The following CELF4 variants were observed in gnomAD, a reference collection of about 807,000 sequenced individuals.
CELF4 encodes the protein CUGBP Elav-like family member 4, also known as CUG-BP- and ETR-3-like factor 4.
CELF4 carries 18 observed loss-of-function variants against 59.9 expected under a neutral mutation model. The ratio of observed to expected loss-of-function variants is 0.30; its 90% CI spans 0.21 to 0.45. The LOEUF (loss-of-function observed/expected upper bound fraction) is 0.45. CELF4 is among the 20% of genes least tolerant of loss of function. The pLI is 1.00. For missense variants in CELF4, 456 were observed against 689.0 expected (o/e 0.66, Z 3.79); for synonymous variants, 261 against 267.1 (o/e 0.98, Z 0.22).
intron 2 of CELF4, among the ~76,000 whole-genome samples, chr18:37,402,727 T>C (rs992085588): frequency 1.3e-5 from 2 of 152,158 alleles, no homozygotes; most frequent in Non-Finnish European, 2.9e-5. Context: ...TCTCCCCCCA[T>C]AACAGAGCTT....
At chr18:37,496,431 G>A (rs2099925282) in intron 1 of CELF4, among the ~76,000 whole-genome samples, 1 of 152,186 alleles carries the variant, frequency 6.6e-6, no homozygotes, top group African/African-American at 2.4e-5. Flanking sequence ...GTGGCACTCA[G>A]GACCTGCCTG....
intron 2 of CELF4, among the ~76,000 whole-genome samples, chr18:37,384,945 GTC>G (rs900078679): frequency 9.2e-5 from 14 of 152,264 alleles, no homozygotes; most frequent in Non-Finnish European, 1.5e-4. Flanking sequence ...GGAACCATAC[GTC>G]TCTGATTTGC....
At chr18:37,533,842 C>T (rs183043033) in intron 1 of CELF4, among the ~76,000 whole-genome samples, 1 of 152,308 alleles carries the variant, frequency 6.6e-6, no homozygotes, top group Admixed American at 6.5e-5. Flanking sequence ...CCAAATCTGT[C>T]CTTCTCTGAC....
In CELF4 at chr18:37,353,220, CA is replaced by C. The variant is rs768540669; in HGVS notation, c.370-31340del. ...TGGGCAACAGAGTGAGACTCCGTCT[CA>C]AAAAAAAAAAAAATATATATATATA... is the stretch of plus-strand genomic sequence containing the variant. On this transcript the variant is annotated intron_variant, in intron 2 of 12. Transcript: ENST00000420428. Among the ~76,000 whole-genome samples, 132 of 96,706 alleles carry C rather than the reference CA, an allele frequency of 1.4e-3. 2 individuals carry two copies. Among genetic ancestry groups the C allele is most frequent in the Admixed American group, 3.8e-3 (28 of 7,380 alleles). The allele number at this position is 96,706 out of a possible 152,430, so 63.4% of individuals were successfully genotyped here.
intron 1 of CELF4, among the ~76,000 whole-genome samples, chr18:37,545,508 C>A (rs776477981): frequency 6.6e-6 from 1 of 152,172 alleles, no homozygotes; most frequent in African/African-American, 2.4e-5. Context: ...CTCAGGAGAT[C>A]GGTGTTTCTG....
intron 8 of CELF4, among the ~76,000 whole-genome samples, chr18:37,270,049 T>C (rs1160401141): frequency 6.6e-6 from 1 of 152,224 alleles, no homozygotes; most frequent in African/African-American, 2.4e-5. Context: ...TTCCCTGCCC[T>C]GATAGCAGCC....
intron 1 of CELF4, among the ~76,000 whole-genome samples, chr18:37,521,885 G>A (rs2099957836): frequency 6.6e-6 from 1 of 152,236 alleles, no homozygotes; most frequent in South Asian, 2.1e-4. Flanking sequence ...AGTAGGCACA[G>A]AAAAATCCAG....
chr18:37,396,497 G>A (rs986011747), intron 2 of CELF4, among the ~76,000 whole-genome samples: 1 of 152,220 alleles, frequency 6.6e-6, no homozygotes, highest in Non-Finnish European at 1.5e-5. Flanking sequence ...AGACCACGGT[G>A]AGTGAGTCAG....
Position 37,292,037 on chromosome 18 carries a change from A to T in CELF4, c.449-16794T>A, listed in dbSNP as rs903311473. The stretch of plus-strand genomic sequence containing the variant: ...GGTGAATGAGATTAGCACCCTTATA[A>T]AAAAAAAAAAGAGGCCTGAGGGAGT... On this transcript the variant is annotated intron_variant, in intron 3 of 12. Transcript: ENST00000420428. Among the ~76,000 whole-genome samples the T allele has an allele frequency of 5.1e-4, 18 of 35,164 alleles. No homozygotes were observed. The Admixed American group carries it at 5.2e-3, about 10-fold the overall frequency. The allele number at this position is 35,164 out of a possible 152,430, so 23.1% of individuals were successfully genotyped here.
At chr18:37,346,377 T>TG (rs772171816) in intron 2 of CELF4, among the ~76,000 whole-genome samples, 113 of 151,912 alleles carry the variant, frequency 7.4e-4, no homozygotes, top group Non-Finnish European at 9.4e-4. Context: ...AGGGGAGAAG[T>TG]GGGGAATGAA....
chr18:37,360,072 C>G (rs751512260), intron 2 of CELF4, among the ~76,000 whole-genome samples: 2 of 151,900 alleles, frequency 1.3e-5, no homozygotes, highest in Non-Finnish European at 2.9e-5. Flanking sequence ...AGACTGGTCT[C>G]GAACTCCTGA....
intron 2 of CELF4, among the ~76,000 whole-genome samples, chr18:37,323,341 G>A (rs973326060): frequency 2.0e-4 from 31 of 152,058 alleles, no homozygotes; most frequent in Admixed American, 1.8e-3. Flanking sequence ...ATGGAGTTGA[G>A]GGGAAGCAAG....
intron 1 of CELF4, among the ~76,000 whole-genome samples, chr18:37,526,084 G>A (rs2099963551): frequency 6.6e-6 from 1 of 152,194 alleles, no homozygotes; most frequent in Non-Finnish European, 1.5e-5. Flanking sequence ...AGGAAGGTAG[G>A]TGGGGTGGAA....
intron 1 of CELF4, among the ~76,000 whole-genome samples, chr18:37,553,552 C>T (rs776025590): frequency 1.2e-4 from 19 of 152,208 alleles, no homozygotes; most frequent in Non-Finnish European, 2.6e-4. Flanking sequence ...ATAAAAATCA[C>T]ACTAAATCGT....
chr18:37,390,863 T>G (rs1483999623), intron 2 of CELF4, among the ~76,000 whole-genome samples: 1 of 150,880 alleles, frequency 6.6e-6, no homozygotes, highest in Non-Finnish European at 1.5e-5. Context: ...TTAGTCATCG[T>G]GAAAGCTCCA....
intron 11 of CELF4, 79 bp downstream of exon 11, chr18:37,259,102 G>T (rs1239963525): frequency 1.2e-6 from 2 of 1,606,348 alleles, no homozygotes; most frequent in African/African-American, 2.7e-5. Context: ...AAGCTAATTG[G>T]TTTGTTATCT....
At chr18:37,406,316 T>G (rs1334039741) in intron 2 of CELF4, among the ~76,000 whole-genome samples, 1 of 152,080 alleles carries the variant, frequency 6.6e-6, no homozygotes, top group Non-Finnish European at 1.5e-5. Context: ...GTTTGGTCAG[T>G]GGGACTGCAG....
At chr18:37,472,002 T>C (rs2099834387) in intron 2 of CELF4, among the ~76,000 whole-genome samples, 1 of 152,326 alleles carries the variant, frequency 6.6e-6, no homozygotes, top group East Asian at 1.9e-4. Flanking sequence ...GCTCCTGCTC[T>C]CCCTGGTTAG....
chr18:37,338,768 G>GTGTGTT lies in CELF4; in HGVS notation c.370-16888_370-16887insAACACA, dbSNP rs1262733992. Among the ~76,000 whole-genome samples, 4 of 151,206 alleles carry GTGTGTT rather than the reference G, an allele frequency of 2.6e-5. No homozygotes were observed. In the East Asian group the frequency reaches 7.8e-4, roughly 29 times the overall value. On this transcript the variant is annotated intron_variant, in intron 2 of 12. Coordinates refer to ENST00000420428, the MANE Select transcript of CELF4 (RefSeq NM_020180.4). ...TTGAAAATGCAGGAGCCGTGTGTGT[G>GTGTGTT]TGTGTGTGTGTGTGTGTGTGTGTGT...
Sources: gnomAD v4.1 joint callset for allele counts (sites outside exome capture counted in the v4.1 genomes callset) on GRCh38, gnomAD v4.1.1 for gene constraint, MANE v1.5 for transcripts, NCBI Gene and HGNC (gene_info 2026-07-23, HGNC 2026-07-21) for gene names.